Variants in AK7 observed in about 807,000 individuals in gnomAD.
The protein encoded by AK7 is ATP-AMP transphosphorylase 7.
In AK7, 78 loss-of-function variants were observed where a neutral mutation model predicts 96.6. That is an observed-to-expected ratio of 0.81 (90% CI 0.67 to 0.97). AK7 has a LOEUF of 0.97. Ranked by LOEUF, AK7 falls within the 50% of genes least tolerant of loss-of-function variation. The pLI is 0.00. For synonymous variants in AK7, 302 were observed against 317.2 expected (o/e 0.95, Z 0.51); for missense variants, 855 against 887.9 (o/e 0.96, Z 0.47).
Position 96,408,852 on chromosome 14 carries a change from A to G in AK7, c.409A>G (p.Ser137Gly). Residue 137 changes from serine to glycine, a missense_variant, in exon 4 of 18, where the codon AGT (serine) becomes GGT (glycine). Ser to Gly is a moderately conservative substitution (Grantham distance 56). Transcript: ENST00000267584. ...TCTGCTTTTTGGCCCCACAGCACTC[A>G]GTGAAGAAGTCAGCCACTTTGAAAA... Reference protein sequence around the residue: ...EEAIWAVSALSEEVSHFEKRK... With the variant: ...EEAIWAVSALGEEVSHFEKRK... The G allele has an allele frequency of 6.2e-7, 1 of 1,614,244 alleles. No homozygotes were observed. The highest frequency in any genetic ancestry group is 1.1e-5 in the South Asian group (1 of 91,086).
intron 2 of AK7, chr14:96,398,564 T>G: frequency 5.7e-6 from 2 of 351,912 alleles, no homozygotes; most frequent in Non-Finnish European, 1.1e-5. Flanking sequence ...AAGACGAGTC[T>G]GTGCCATGAT....
intron 12 of AK7, among the ~76,000 whole-genome samples, chr14:96,464,411 G>C (rs7154810): frequency 0.076 from 11,466 of 151,556 alleles, 1,476 homozygotes; most frequent in African/African-American, 0.26. Flanking sequence ...ATAGCCAGGC[G>C]TGGTGGTGCG....
intron 12 of AK7, among the ~76,000 whole-genome samples, chr14:96,461,528 GAGAGACA>G (rs1355862719): frequency 2.0e-5 from 3 of 152,126 alleles, no homozygotes. Flanking sequence ...ATCCCCTAAG[GAGAGACA>G]AGAATGTCTA....
intron 6 of AK7, among the ~76,000 whole-genome samples, chr14:96,439,544 G>A (rs1374113164): frequency 6.6e-6 from 1 of 151,806 alleles, no homozygotes; most frequent in East Asian, 1.9e-4. Context: ...GGAGCCTGTG[G>A]TCCCAGCTAC....
intron 7 of AK7, 98 bp from the exon 8 acceptor site, chr14:96,446,419 C>A: frequency 2.0e-6 from 2 of 1,006,176 alleles, no homozygotes; most frequent in African/African-American, 1.6e-5. Flanking sequence ...AGCACCAAAC[C>A]CCACGCCCAG....
chr14:96,443,264 A>G (rs948104484), intron 7 of AK7, among the ~76,000 whole-genome samples: 1 of 152,208 alleles, frequency 6.6e-6, no homozygotes, highest in African/African-American at 2.4e-5. Context: ...TATGTTTTTT[A>G]TACTCACAGA....
chr14:96,450,286 C>T (rs766481849), intron 9 of AK7, among the ~76,000 whole-genome samples: 1 of 152,004 alleles, frequency 6.6e-6, no homozygotes, highest in African/African-American at 2.4e-5. Context: ...CATGGTGACA[C>T]ATGCCTGTAA....
At chr14:96,397,752 A>G (rs1208928794) in intron 1 of AK7, among the ~76,000 whole-genome samples, 1 of 152,208 alleles carries the variant, frequency 6.6e-6, no homozygotes, top group African/African-American at 2.4e-5. Context: ...GGCTCCTATT[A>G]CATTTCTATA....
intron 1 of AK7, among the ~76,000 whole-genome samples, chr14:96,394,737 A>G (rs1461409496): frequency 1.3e-5 from 2 of 152,216 alleles, no homozygotes; most frequent in Non-Finnish European, 2.9e-5. Context: ...GCAATTTGGG[A>G]GGCCAAGGCA....
intron 6 of AK7, among the ~76,000 whole-genome samples, chr14:96,439,903 C>A (rs966316062): frequency 6.6e-6 from 1 of 152,068 alleles, no homozygotes; most frequent in Admixed American, 6.6e-5. Context: ...AGAAAGAAGG[C>A]GGAGTTAAAG....
intron 16 of AK7, among the ~76,000 whole-genome samples, chr14:96,483,601 T>C (rs965180868): frequency 6.6e-6 from 1 of 151,962 alleles, no homozygotes; most frequent in Non-Finnish European, 1.5e-5. Context: ...TTTCTGTTTT[T>C]AGTAGAAATG....
chr14:96,437,240 ATGCT>A lies in AK7; in HGVS notation c.610-592_610-589del, dbSNP rs561760308. 4.0e-3 allele frequency among the ~76,000 whole-genome samples: 612 copies of A among 152,284 alleles called. 1 individual carries two copies. Among genetic ancestry groups the A allele is most frequent in the Non-Finnish European group, 5.1e-3 (350 of 68,018 alleles). ...GGAGTGTTTGTAATTCAATGGATAA[ATGCT>A]TGAAGGGATGGATACCCCATTCTCC... On this transcript the variant is annotated intron_variant, in intron 5 of 17. Transcript: ENST00000267584.
In AK7 at chr14:96,458,699, G is replaced by A. The variant is rs552862883; in HGVS notation, c.1357+487G>A. 8.8e-5 allele frequency among the ~76,000 whole-genome samples: 13 copies of A among 147,186 alleles called. No individual in the cohort carries two copies. The South Asian group carries it at 1.1e-3, about 12-fold the overall frequency. On this transcript the variant is annotated intron_variant, in intron 12 of 17. Coordinates refer to ENST00000267584, the MANE Select transcript of AK7 (RefSeq NM_152327.5). ...GGAGGTTGCAGTGAGCCAAGTTCACGCCATTGCACTCCAGCCTGGGCAACA... is the reference window on the plus strand; with the variant it reads ...GGAGGTTGCAGTGAGCCAAGTTCACACCATTGCACTCCAGCCTGGGCAACA...
At chr14:96,409,751 A>G (rs1890929124) in intron 4 of AK7, among the ~76,000 whole-genome samples, 1 of 152,242 alleles carries the variant, frequency 6.6e-6, no homozygotes, top group African/African-American at 2.4e-5. Flanking sequence ...CATGAGCCAC[A>G]GTCATTCTTC....
intron 14 of AK7, among the ~76,000 whole-genome samples, chr14:96,475,940 C>T (rs146788545): frequency 2.0e-4 from 30 of 149,528 alleles, no homozygotes; most frequent in African/African-American, 7.2e-4. Context: ...GATCATGCCA[C>T]GGCACTTCAG....
intron 6 of AK7, among the ~76,000 whole-genome samples, chr14:96,442,188 C>T (rs376798043): frequency 1.3e-3 from 198 of 152,294 alleles, no homozygotes; most frequent in African/African-American, 4.6e-3. Context: ...CTCTGAGGAT[C>T]GGGGTTCCAG....
At chr14:96,463,647 G>A (rs1226251901) in intron 12 of AK7, among the ~76,000 whole-genome samples, 3 of 150,528 alleles carry the variant, frequency 2.0e-5, no homozygotes, top group Non-Finnish European at 4.4e-5. Context: ...GTGAACCTGG[G>A]AGGCGGAGCT....
At position 96,465,337 on chromosome 14, in the gene AK7, C is replaced by T. The variant is rs145200609; in HGVS notation, c.1358-6141C>T. ...TATTAGCCGGGCGTGGTGGCGGGTG[C>T]CTGTAGTCCCAGCTACTCAGGAGGC... On this transcript the variant is annotated intron_variant, in intron 12 of 17. Transcript: ENST00000267584. Among the ~76,000 whole-genome samples the T allele has an allele frequency of 6.7e-3, 1,013 of 152,122 alleles. 9 individuals carry two copies. Among genetic ancestry groups the T allele is most frequent in the African/African-American group, 0.023 (946 of 41,500 alleles).
In AK7 at chr14:96,488,498, T is replaced by C; in HGVS notation, c.*155T>C. The C allele has an allele frequency of 1.7e-6, 1 of 588,010 alleles. No individual in the cohort carries two copies. Among genetic ancestry groups the C allele is most frequent in the South Asian group, 2.6e-5 (1 of 37,954 alleles). 36.4% of individuals were successfully genotyped at this position (588,010 alleles called of 1,614,324 possible). On this transcript the variant is annotated 3_prime_UTR_variant, in exon 18 of 18. Transcript: ENST00000267584. ...ACTAGAATCTCTATTAAAAGCTATA[T>C]GACATGACTATGTCATTAAAACTAT... is the stretch of plus-strand genomic sequence containing the variant.
Sources: allele counts gnomAD v4.1 joint callset (sites outside exome capture counted in the v4.1 genomes callset), GRCh38; gene constraint gnomAD v4.1.1; transcripts MANE v1.5; gene names NCBI Gene and HGNC (gene_info 2026-07-23, HGNC 2026-07-21).